Variants in GLB1L3 observed in about 807,000 individuals in gnomAD.
GLB1L3 encodes the protein galactosidase beta 1 like 3.
In GLB1L3, 89 loss-of-function variants were observed where a neutral mutation model predicts 89.5. The ratio of observed to expected loss-of-function variants is 0.99; its 90% CI spans 0.84 to 1.19. GLB1L3 has a LOEUF of 1.19. Ranked by LOEUF, GLB1L3 falls within the 50% of genes most tolerant of loss-of-function variation. The pLI is 0.00. For synonymous variants in GLB1L3, 314 were observed against 312.3 expected, an observed-to-expected ratio of 1.01 and a Z score of -0.06; for missense variants, 812 against 813.3, an observed-to-expected ratio of 1.00 and a Z score of 0.02.
At chr11:134,288,912 C>A in intron 7 of GLB1L3, 22 bp downstream of exon 7, 4 of 1,539,934 alleles carry the variant, frequency 2.6e-6, no homozygotes, top group Non-Finnish European at 3.6e-6. Flanking sequence ...TTGGTTTGGC[C>A]CCATGTTTAC....
intron 9 of GLB1L3, among the ~76,000 whole-genome samples, chr11:134,304,807 T>C (rs1006259560): frequency 6.6e-6 from 1 of 152,212 alleles, no homozygotes; most frequent in Admixed American, 6.5e-5. Context: ...TTTTGACCTA[T>C]GCTATAGAAA....
rs942985687 is a variant in GLB1L3, at chr11:134,310,703, T to C, written c.1180+52T>C. On this transcript the variant is annotated intron_variant, in intron 12 of 19. Transcript: ENST00000431683. ...GCCAGCCCTCCTCATGTGGAGTCTC[T>C]GTTCTGTGGAAAAGTGAGGAAGGCG... The C allele has an allele frequency of 5.7e-6, 8 of 1,404,008 alleles. No individual in the cohort carries two copies. In the African/African-American group the frequency reaches 1.1e-4, roughly 20 times the overall value. The allele number at this position is 1,404,008 out of a possible 1,614,324, so 87.0% of individuals were successfully genotyped here.
At chr11:134,304,455 T>A (rs1255770252) in intron 9 of GLB1L3, among the ~76,000 whole-genome samples, 1 of 152,326 alleles carries the variant, frequency 6.6e-6, no homozygotes, top group South Asian at 2.1e-4. Flanking sequence ...ACACAAGTTA[T>A]GTGTAATGCA....
chr11:134,293,310 C>T (rs909093976), intron 9 of GLB1L3, 101 bp downstream of exon 9: 21 of 1,001,386 alleles, frequency 2.1e-5, no homozygotes, highest in Middle Eastern at 2.1e-4. Context: ...ACAAGAAGAC[C>T]GCAGGTTTTC....
At chr11:134,310,499 C>A in intron 11 of GLB1L3, 72 bp from the exon 12 acceptor site, 2 of 1,193,252 alleles carry the variant, frequency 1.7e-6, no homozygotes, top group South Asian at 1.3e-5. Context: ...CTGGCCATCT[C>A]CTGCCAGCGG....
chr11:134,322,052 TATAAA>T (rs1377194891), downstream of GLB1L3, among the ~76,000 whole-genome samples: 1 of 152,130 alleles, frequency 6.6e-6, no homozygotes, highest in Non-Finnish European at 1.5e-5. Context: ...TAAAGAAAAC[TATAAA>T]TATTTGAGTT....
intron 9 of GLB1L3, chr11:134,305,340 T>A (rs1353021758): frequency 2.0e-6 from 1 of 490,468 alleles, no homozygotes; most frequent in Non-Finnish European, 3.6e-6. Flanking sequence ...TAGGAGAAAT[T>A]TGTGCTGTTA....
At chr11:134,277,234 C>T (rs764581141) in intron 1 of GLB1L3, 92 bp from the exon 2 acceptor site, 1 of 1,554,680 alleles carries the variant, frequency 6.4e-7, no homozygotes, top group Non-Finnish European at 8.8e-7. Context: ...CTGGCTCTGG[C>T]CTCTAAAGCG....
intron 18 of GLB1L3, among the ~76,000 whole-genome samples, chr11:134,315,177 A>G (rs367989510): frequency 5.3e-4 from 81 of 152,324 alleles, no homozygotes; most frequent in African/African-American, 1.8e-3. Context: ...GTTCATTTTC[A>G]CTGTTGTATT....
chr11:134,288,956 C>A, intron 7 of GLB1L3, 66 bp downstream of exon 7: 1 of 1,118,466 alleles, frequency 8.9e-7, no homozygotes, highest in Non-Finnish European at 1.3e-6. Flanking sequence ...TTTCTGATTC[C>A]TGGATGCATG....
At chr11:134,295,664 A>G (rs1254810378) in intron 9 of GLB1L3, among the ~76,000 whole-genome samples, 1 of 151,766 alleles carries the variant, frequency 6.6e-6, no homozygotes, top group Non-Finnish European at 1.5e-5. Flanking sequence ...TTCAGATTGC[A>G]TTTGTTCTTT....
chr11:134,306,310 A>G (rs1942203036), intron 9 of GLB1L3, among the ~76,000 whole-genome samples: 1 of 152,244 alleles, frequency 6.6e-6, no homozygotes, highest in Non-Finnish European at 1.5e-5. Flanking sequence ...TACCCAATTA[A>G]TAATTTTAAA....
chr11:134,304,860 GA>G (rs1591571520), intron 9 of GLB1L3, among the ~76,000 whole-genome samples: 1 of 151,904 alleles, frequency 6.6e-6, no homozygotes, highest in African/African-American at 2.4e-5. Context: ...TGTTGAAAAA[GA>G]AAAAAACTCT....
intron 9 of GLB1L3, among the ~76,000 whole-genome samples, chr11:134,301,036 C>T (rs1176995251): frequency 1.3e-5 from 2 of 152,214 alleles, no homozygotes; most frequent in African/African-American, 4.8e-5. Flanking sequence ...AGCCGCCATC[C>T]GTCTCGGCTC....
intron 15 of GLB1L3, 122 bp downstream of exon 15, chr11:134,313,009 C>A: frequency 1.3e-6 from 1 of 773,038 alleles, no homozygotes; most frequent in Non-Finnish European, 2.2e-6. Context: ...TCACCTGGGG[C>A]GGCGGCAGGA....
In GLB1L3 at chr11:134,308,547, CCATCACCAT is replaced by C. The variant is rs879720980; in HGVS notation, c.962-1076_962-1068del. Among the ~76,000 whole-genome samples the C allele has an allele frequency of 3.3e-3, 109 of 32,826 alleles. 2 individuals carry two copies. Among genetic ancestry groups the C allele is most frequent in the Middle Eastern group, 0.024 (2 of 84 alleles). 21.5% of individuals were successfully genotyped at this position (32,826 alleles called of 152,430 possible). ...TCCACCACCACTACCACCACCATCACCATCACCATCACCACCACCACCACCATCACCATC... is the reference window on the plus strand; with the variant it reads ...TCCACCACCACTACCACCACCATCACCACCACCACCACCACCATCACCATC... On this transcript the variant is annotated intron_variant, in intron 10 of 19. Transcript: ENST00000431683.
chr11:134,276,648 A>C lies in GLB1L3; in HGVS notation c.-93A>C, dbSNP rs1359091245. 4 of 1,169,198 alleles carry C rather than the reference A, an allele frequency of 3.4e-6. No homozygotes were observed. The Admixed American group carries it at 1.6e-4, about 47-fold the overall frequency. The allele number at this position is 1,169,198 out of a possible 1,614,324, so 72.4% of individuals were successfully genotyped here. Reference sequence around the variant, plus strand: ...CGCAGACCTGAGCCTGCCCCGCGGAACCGGGGCTCGAGTCCCGGCCCGAGC... The same window carrying C: ...CGCAGACCTGAGCCTGCCCCGCGGACCCGGGGCTCGAGTCCCGGCCCGAGC... On this transcript the variant is annotated 5_prime_UTR_variant, in exon 1 of 20. Coordinates refer to ENST00000431683, the MANE Select transcript of GLB1L3 (RefSeq NM_001080407.3).
At chr11:134,316,206 CTTTT>C (rs1206889352) in intron 18 of GLB1L3, among the ~76,000 whole-genome samples, 1 of 144,968 alleles carries the variant, frequency 6.9e-6, no homozygotes, top group Non-Finnish European at 1.5e-5. Flanking sequence ...ACTCCCATAC[CTTTT>C]TTTTTTTTAC....
chr11:134,279,328 T>A (rs1314217613), intron 3 of GLB1L3, among the ~76,000 whole-genome samples: 1 of 151,776 alleles, frequency 6.6e-6, no homozygotes, highest in East Asian at 1.9e-4. Context: ...TCCCCCTTTT[T>A]TTCTTTCCTT....
Sources: allele counts gnomAD v4.1 joint callset (sites outside exome capture counted in the v4.1 genomes callset), GRCh38; gene constraint gnomAD v4.1.1; transcripts MANE v1.5; gene names NCBI Gene and HGNC (gene_info 2026-07-23, HGNC 2026-07-21).